The following WDFY2 variants were observed in gnomAD, a reference collection of about 807,000 sequenced individuals.
WDFY2 encodes WD repeat and FYVE domain-containing protein 2.
A neutral mutation model predicts 56.4 loss-of-function variants in WDFY2; 36 were observed. The ratio of observed to expected loss-of-function variants is 0.64; its 90% CI spans 0.49 to 0.84. The LOEUF is 0.84. Ranked by LOEUF, WDFY2 falls within the 40% of genes least tolerant of loss-of-function variation. The pLI is 0.00. For missense variants in WDFY2, 444 were observed against 512.2 expected (o/e 0.87, Z 1.29); for synonymous variants, 176 against 183.7 (o/e 0.96, Z 0.34).
At chr13:51,590,849 G>A (rs1429056742) in intron 1 of WDFY2, 4 of 152,114 alleles carry the variant, frequency 2.6e-5, no homozygotes, top group Non-Finnish European at 4.4e-5. Context: ...GGGGCAGGGA[G>A]CCTCTTCATC....
chr13:51,723,809 C>T (rs186211238), intron 5 of WDFY2, among the ~76,000 whole-genome samples: 5 of 152,276 alleles, frequency 3.3e-5, no homozygotes, highest in Admixed American at 1.3e-4. Context: ...TAGTTTCATC[C>T]GTTGCTGAGC....
intron 1 of WDFY2, among the ~76,000 whole-genome samples, chr13:51,660,306 C>T (rs1007562098): frequency 4.0e-5 from 6 of 151,870 alleles, no homozygotes; most frequent in Non-Finnish European, 8.8e-5. Context: ...AAGTGATTCT[C>T]CTGCCTCAGC....
At chr13:51,653,863 T>C (rs928528197) in intron 1 of WDFY2, among the ~76,000 whole-genome samples, 3 of 152,238 alleles carry the variant, frequency 2.0e-5, no homozygotes, top group Non-Finnish European at 4.4e-5. Context: ...AGGGACCCAC[T>C]TGAGGAGGCA....
chr13:51,733,107 C>T (rs148321266), intron 6 of WDFY2, among the ~76,000 whole-genome samples: 39 of 152,350 alleles, frequency 2.6e-4, no homozygotes, highest in African/African-American at 7.0e-4. Flanking sequence ...ACGATCTCAG[C>T]TCACTGCAAC....
chr13:51,611,776 G>T (rs1222335306), intron 1 of WDFY2, among the ~76,000 whole-genome samples: 1 of 152,162 alleles, frequency 6.6e-6, no homozygotes, highest in Non-Finnish European at 1.5e-5. Context: ...TAGGAGCAGG[G>T]AAGTCTGCTG....
intron 3 of WDFY2, among the ~76,000 whole-genome samples, chr13:51,692,589 G>A (rs989294165): frequency 6.6e-5 from 10 of 152,094 alleles, no homozygotes; most frequent in African/African-American, 1.7e-4. Context: ...TGCTGGATTC[G>A]GTTTGCCAGT....
intron 1 of WDFY2, among the ~76,000 whole-genome samples, chr13:51,600,058 C>A (rs1387186585): frequency 5.0e-4 from 76 of 152,288 alleles, no homozygotes; most frequent in Non-Finnish European, 1.6e-4. Context: ...GCACACTCTT[C>A]ATGTATTTAT....
chr13:51,605,394 G>C (rs1954368126), intron 1 of WDFY2, among the ~76,000 whole-genome samples: 1 of 152,218 alleles, frequency 6.6e-6, no homozygotes, highest in Non-Finnish European at 1.5e-5. Flanking sequence ...CAAAGTTTGT[G>C]AGGATTAAGG....
At position 51,759,795 on chromosome 13, in the gene WDFY2, A is replaced by G. The variant is rs1226806655; in HGVS notation, c.*26A>G. 4 of 1,612,146 alleles carry G rather than the reference A, an allele frequency of 2.5e-6. No homozygotes were observed. The highest frequency in any genetic ancestry group is 1.3e-5 in the African/African-American group (1 of 74,860). ...TGACTCTCCCAGGAATCAGAAAGAT[A>G]GTATTTACTAAAGAAACGGTTGTTT... On this transcript the variant is annotated 3_prime_UTR_variant, in exon 12 of 12. Coordinates refer to ENST00000298125, the MANE Select transcript of WDFY2 (RefSeq NM_052950.4).
chr13:51,664,877 CTTGT>C (rs1955673785), intron 2 of WDFY2, among the ~76,000 whole-genome samples: 1 of 152,202 alleles, frequency 6.6e-6, no homozygotes, highest in African/African-American at 2.4e-5. Flanking sequence ...AGTATTTGAT[CTTGT>C]TTAATTTCTT....
intron 5 of WDFY2, among the ~76,000 whole-genome samples, chr13:51,720,448 T>C (rs1303609207): frequency 6.6e-6 from 1 of 152,202 alleles, no homozygotes; most frequent in Non-Finnish European, 1.5e-5. Flanking sequence ...GTAGTAGTAC[T>C]TGTTAATAAA....
At chr13:51,752,339 G>A (rs1953256250) in intron 8 of WDFY2, among the ~76,000 whole-genome samples, 1 of 152,174 alleles carries the variant, frequency 6.6e-6, no homozygotes, top group Non-Finnish European at 1.5e-5. Flanking sequence ...TTAGAAGGTG[G>A]GAAATGGTAG....
chr13:51,766,409 C>T lies in WDFY2; in HGVS notation c.*6640C>T, dbSNP rs1031966249. 2 of 152,188 alleles carry T rather than the reference C, an allele frequency of 1.3e-5. No homozygotes were observed. The highest frequency in any genetic ancestry group is 4.8e-5 in the African/African-American group (2 of 41,426). 9.4% of individuals were successfully genotyped at this position (152,188 alleles called of 1,614,324 possible). A position where few individuals can be genotyped will look rare whatever the true frequency, so the allele number is the denominator to read the frequency against. On this transcript the variant is annotated 3_prime_UTR_variant, in exon 12 of 12. Coordinates refer to ENST00000298125, the MANE Select transcript of WDFY2 (RefSeq NM_052950.4). Reference sequence around the variant, plus strand: ...GGACCTGGCTGCAGTGGGCATATTACCGTATGGATATCTTTTTCTTTCTTT... The same window carrying T: ...GGACCTGGCTGCAGTGGGCATATTATCGTATGGATATCTTTTTCTTTCTTT...
chr13:51,739,018 G>T, intron 6 of WDFY2, 31 bp from the exon 7 acceptor site: 1 of 1,529,022 alleles, frequency 6.5e-7, no homozygotes. Context: ...CTTACCTTGT[G>T]ACTGATGTCT....
At chr13:51,696,594 T>C (rs1322413625) in intron 3 of WDFY2, among the ~76,000 whole-genome samples, 1 of 152,230 alleles carries the variant, frequency 6.6e-6, no homozygotes, top group African/African-American at 2.4e-5. Context: ...GGAAAAGTTA[T>C]TAAACAAATG....
chr13:51,654,491 C>T (rs772545513), intron 1 of WDFY2, among the ~76,000 whole-genome samples: 14 of 152,184 alleles, frequency 9.2e-5, no homozygotes, highest in African/African-American at 1.9e-4. Flanking sequence ...CCTTCTGCGT[C>T]GCTCACGGTA....
chr13:51,740,838 G>T (rs1952955177), intron 7 of WDFY2, among the ~76,000 whole-genome samples: 1 of 152,118 alleles, frequency 6.6e-6, no homozygotes, highest in Non-Finnish European at 1.5e-5. Context: ...GAATGAAGAT[G>T]ACTAATATTC....
At chr13:51,635,815 C>T (rs1209917905) in intron 1 of WDFY2, among the ~76,000 whole-genome samples, 2 of 152,186 alleles carry the variant, frequency 1.3e-5, no homozygotes. Context: ...ATAATGAATG[C>T]TCAATATGTT....
At chr13:51,704,716 T>C (rs954761103) in intron 4 of WDFY2, among the ~76,000 whole-genome samples, 7 of 152,158 alleles carry the variant, frequency 4.6e-5, no homozygotes, top group Admixed American at 1.3e-4. Flanking sequence ...TTAAGTTACC[T>C]GAGCCTTTAT....
Sources: gnomAD v4.1 joint callset for allele counts (sites outside exome capture counted in the v4.1 genomes callset) on GRCh38, gnomAD v4.1.1 for gene constraint, MANE v1.5 for transcripts, NCBI Gene and HGNC (gene_info 2026-07-23, HGNC 2026-07-21) for gene names.